The following ROR2 variants were observed in gnomAD, a reference collection of about 807,000 sequenced individuals.
ROR2 encodes the protein ROR family WNT receptor 2, also known as tyrosine-protein kinase transmembrane receptor ROR2.
In ROR2, 33 loss-of-function variants were observed where a neutral mutation model predicts 74.9. The observed-to-expected ratio is 0.44, with a 90% CI of 0.33 to 0.59. The LOEUF is 0.59. Among genes scored for constraint, ROR2 ranks in the 20% least tolerant of loss-of-function variants. ROR2 has a pLI of 0.02. For missense variants in ROR2, 1,216 were observed against 1,313.8 expected, an observed-to-expected ratio of 0.93 and a Z score of 1.15; for synonymous variants, 586 against 558.7, an observed-to-expected ratio of 1.05 and a Z score of -0.69.
At chr9:91,785,092 C>T (rs1007159144) in intron 1 of ROR2, among the ~76,000 whole-genome samples, 2 of 152,164 alleles carry the variant, frequency 1.3e-5, no homozygotes, top group African/African-American at 4.8e-5. Context: ...GGTACACACA[C>T]GTATACACAC....
chr9:91,735,389 C>A (rs1824984762), intron 5 of ROR2, among the ~76,000 whole-genome samples: 1 of 152,180 alleles, frequency 6.6e-6, no homozygotes, highest in South Asian at 2.1e-4. Flanking sequence ...CTAAACTCTT[C>A]TCTAAAAGAT....
intron 4 of ROR2, among the ~76,000 whole-genome samples, chr9:91,752,666 T>A (rs753122232): frequency 3.3e-5 from 5 of 152,256 alleles, no homozygotes; most frequent in Non-Finnish European, 7.3e-5. Context: ...CAGAGATTTA[T>A]GCATTTGTCA....
chr9:91,786,289 T>C (rs370102389), intron 1 of ROR2, among the ~76,000 whole-genome samples: 28 of 151,656 alleles, frequency 1.8e-4, no homozygotes, highest in African/African-American at 5.8e-4. Flanking sequence ...ATCATGCCAC[T>C]GCACTCCAGT....
intron 4 of ROR2, among the ~76,000 whole-genome samples, chr9:91,753,770 A>G (rs1322198290): frequency 1.3e-5 from 2 of 152,234 alleles, no homozygotes; most frequent in Admixed American, 1.3e-4. Flanking sequence ...TTCTGTGAAT[A>G]CTGTTAACTA....
chr9:91,796,431 C>G lies in ROR2; in HGVS notation c.98-20613G>C. 1.6e-5 allele frequency among the ~76,000 whole-genome samples: 2 copies of G among 127,724 alleles called. 1 individual carries two copies. The highest frequency in any genetic ancestry group is 6.3e-4 in the East Asian group (2 of 3,180). The allele number at this position is 127,724 out of a possible 152,430, so 83.8% of individuals were successfully genotyped here. On this transcript the variant is annotated intron_variant, in intron 1 of 8. Transcript: ENST00000375708. The stretch of plus-strand genomic sequence containing the variant: ...CTGGGCAACAGAGTGAGACCTTGTC[C>G]CAAGGAAAAAAAAAAAAAAAAAAAC...
chr9:91,860,053 C>T (rs1829423801), intron 1 of ROR2, among the ~76,000 whole-genome samples: 1 of 152,056 alleles, frequency 6.6e-6, no homozygotes. Context: ...CTTGGGGAGG[C>T]GAGTGGGGAC....
chr9:91,802,976 C>T (rs1244192295), intron 1 of ROR2, among the ~76,000 whole-genome samples: 1 of 152,114 alleles, frequency 6.6e-6, no homozygotes, highest in African/African-American at 2.4e-5. Context: ...AAACGCAAAT[C>T]ACAACCACGA....
intron 2 of ROR2, among the ~76,000 whole-genome samples, chr9:91,764,567 C>A (rs190099886): frequency 2.6e-5 from 4 of 151,750 alleles, no homozygotes; most frequent in Non-Finnish European, 5.9e-5. Flanking sequence ...CTTACACACA[C>A]ACACACACAC....
Position 91,792,338 on chromosome 9 carries a change from C to T in ROR2, c.98-16520G>A, listed in dbSNP as rs191042781. 9.5e-4 allele frequency among the ~76,000 whole-genome samples: 138 copies of T among 144,558 alleles called. No individual in the cohort carries two copies. In the East Asian group the frequency reaches 0.012, roughly 13 times the overall value. The allele number at this position is 144,558 out of a possible 152,430, so 94.8% of individuals were successfully genotyped here. A position where few individuals can be genotyped will look rare whatever the true frequency, so the allele number is the denominator to read the frequency against. On this transcript the variant is annotated intron_variant, in intron 1 of 8. Transcript: ENST00000375708. Reference sequence around the variant, plus strand: ...TTTTTTTTTTTTTGAGACGGAGTCTCGCTCTGTCGCCCAGGTTGGAGTGCA... The same window carrying T: ...TTTTTTTTTTTTTGAGACGGAGTCTTGCTCTGTCGCCCAGGTTGGAGTGCA...
At chr9:91,767,080 GT>G (rs386736274) in intron 2 of ROR2, among the ~76,000 whole-genome samples, 36 of 140,186 alleles carry the variant, frequency 2.6e-4, no homozygotes, top group South Asian at 6.5e-4. Flanking sequence ...ATGACTTACG[GT>G]TTTTTTTTTT....
chr9:91,840,189 G>A (rs145110698), intron 1 of ROR2, among the ~76,000 whole-genome samples: 79 of 152,304 alleles, frequency 5.2e-4, no homozygotes, highest in African/African-American at 1.8e-3. Context: ...GAATCAGAGC[G>A]GAGGGACCCG....
chr9:91,745,844 G>A (rs10992078), intron 4 of ROR2, among the ~76,000 whole-genome samples: 13,049 of 151,926 alleles, frequency 0.086, 614 homozygotes, highest in Middle Eastern at 0.11. Flanking sequence ...CTTTTATTCC[G>A]GTTCTGTACT....
intron 1 of ROR2, among the ~76,000 whole-genome samples, 174 bp from the exon 2 acceptor site, chr9:91,775,992 T>C (rs1049106705): frequency 2.0e-5 from 3 of 152,210 alleles, no homozygotes; most frequent in African/African-American, 2.4e-5. Context: ...GATATAAAGA[T>C]ATGATGTAAC....
intron 1 of ROR2, among the ~76,000 whole-genome samples, chr9:91,822,086 A>G (rs1828156452): frequency 6.6e-6 from 1 of 152,276 alleles, no homozygotes; most frequent in Admixed American, 6.5e-5. Context: ...GTTGACCCAA[A>G]TCGGGATGAG....
Position 91,941,353 on chromosome 9 carries a change from A to G in ROR2, c.97+8514T>C, listed in dbSNP as rs536000476. Among the ~76,000 whole-genome samples, 6 of 152,334 alleles carry G rather than the reference A, an allele frequency of 3.9e-5. No individual in the cohort carries two copies. In the East Asian group the frequency reaches 1.2e-3, roughly 29 times the overall value. On this transcript the variant is annotated intron_variant, in intron 1 of 8. Coordinates refer to ENST00000375708, the MANE Select transcript of ROR2 (RefSeq NM_004560.4). Reference sequence around the variant, plus strand: ...TACAGAGAAGTTACAAGAATGGTGCATGAAACTTCCCTCTACTCTTTGCCC... The same window carrying G: ...TACAGAGAAGTTACAAGAATGGTGCGTGAAACTTCCCTCTACTCTTTGCCC...
intron 1 of ROR2, among the ~76,000 whole-genome samples, chr9:91,865,917 G>A (rs960980455): frequency 3.3e-5 from 5 of 152,110 alleles, no homozygotes; most frequent in African/African-American, 1.2e-4. Context: ...ACTCTAACAT[G>A]GGATGTTATC....
At position 91,935,631 on chromosome 9, in the gene ROR2, G is replaced by A. The variant is rs150855139; in HGVS notation, c.97+14236C>T. On this transcript the variant is annotated intron_variant, in intron 1 of 8. Coordinates refer to ENST00000375708, the MANE Select transcript of ROR2 (RefSeq NM_004560.4). Reference sequence around the variant, plus strand: ...GTAAGAGAAACAAAGGCCCTAGGACGGGCAGCACTAGGCGCCTGGCATCAG... The same window carrying A: ...GTAAGAGAAACAAAGGCCCTAGGACAGGCAGCACTAGGCGCCTGGCATCAG... Among the ~76,000 whole-genome samples the A allele has an allele frequency of 2.4e-3, 367 of 152,296 alleles. 1 individual carries two copies. Among genetic ancestry groups the A allele is most frequent in the African/African-American group, 7.4e-3 (308 of 41,558 alleles).
intron 1 of ROR2, among the ~76,000 whole-genome samples, chr9:91,885,935 G>C (rs557762544): frequency 5.4e-4 from 73 of 136,082 alleles, no homozygotes; most frequent in Non-Finnish European, 9.3e-4. Context: ...GAACAATGTC[G>C]CAATCTCAGC....
At chr9:91,741,498 C>G (rs953968397) in intron 4 of ROR2, among the ~76,000 whole-genome samples, 1 of 151,376 alleles carries the variant, frequency 6.6e-6, no homozygotes, top group Non-Finnish European at 1.5e-5. Flanking sequence ...ATGACACATG[C>G]TGAGAATAAA....
Sources: gnomAD v4.1 joint callset for allele counts (sites outside exome capture counted in the v4.1 genomes callset) on GRCh38, gnomAD v4.1.1 for gene constraint, MANE v1.5 for transcripts, NCBI Gene and HGNC (gene_info 2026-07-23, HGNC 2026-07-21) for gene names.